The following SPTBN4 variants were observed in gnomAD, a reference collection of about 807,000 sequenced individuals.
SPTBN4 encodes the protein spectrin beta chain, non-erythrocytic 4.
A neutral mutation model predicts 277.8 loss-of-function variants in SPTBN4; 96 were observed. That is an observed-to-expected ratio of 0.35 (90% CI 0.29 to 0.41). SPTBN4 has a LOEUF of 0.41. Among genes scored for constraint, SPTBN4 ranks in the 10% least tolerant of loss-of-function variants. SPTBN4 has a pLI of 1.00. For synonymous variants in SPTBN4, 1,481 were observed against 1,580.3 expected (o/e 0.94, Z 1.49); for missense variants, 3,006 against 3,595.7 (o/e 0.84, Z 4.19).
At chr19:40,479,587 C>T (rs1328252280) in intron 2 of SPTBN4, among the ~76,000 whole-genome samples, 2 of 150,698 alleles carry the variant, frequency 1.3e-5, no homozygotes, top group African/African-American at 2.5e-5. Context: ...GAAGCCACTG[C>T]TTCTGACCCC....
At chr19:40,518,085 C>T (rs1394046133) in intron 15 of SPTBN4, among the ~76,000 whole-genome samples, 1 of 152,204 alleles carries the variant, frequency 6.6e-6, no homozygotes, top group African/African-American at 2.4e-5. Flanking sequence ...GCAAGCAGAT[C>T]ACTTGAGGTC....
At chr19:40,550,171 G>A in intron 21 of SPTBN4, 67 bp from the exon 22 acceptor site, 1 of 1,398,828 alleles carries the variant, frequency 7.1e-7, no homozygotes, top group Non-Finnish European at 1.0e-6. Flanking sequence ...CAGGTTTAAA[G>A]TTTAGTTGCG....
intron 27 of SPTBN4, among the ~76,000 whole-genome samples, chr19:40,564,107 C>A (rs2081069942): frequency 6.7e-6 from 1 of 150,216 alleles, no homozygotes; most frequent in Non-Finnish European, 1.5e-5. Context: ...GTAATCCCTG[C>A]ACTTTGGGAG....
At chr19:40,529,498 G>T (rs936122691) in intron 18 of SPTBN4, among the ~76,000 whole-genome samples, 2 of 152,186 alleles carry the variant, frequency 1.3e-5, no homozygotes, top group African/African-American at 4.8e-5. Flanking sequence ...AGGGCCGTGG[G>T]GGGGCCAGCG....
Position 40,567,647 on chromosome 19 carries a change from G to A in SPTBN4, c.6337-16G>A. 6.7e-7 allele frequency: 1 copy of A among 1,486,594 alleles called. No homozygotes were observed. The highest frequency in any genetic ancestry group is 9.0e-7 in the Non-Finnish European group (1 of 1,117,036). The allele number at this position is 1,486,594 out of a possible 1,614,324, so 92.1% of individuals were successfully genotyped here. A position where few individuals can be genotyped will look rare whatever the true frequency, so the allele number is the denominator to read the frequency against. On this transcript the variant is annotated splice_polypyrimidine_tract_variant and intron_variant, in intron 30 of 35. Transcript: ENST00000598249. ...GCCCCACGCCTCCAACCTAACCCTG[G>A]TCCCTCCATCCTCAGATCGAGAAAA...
At chr19:40,487,462 C>T (rs1053514696) in intron 2 of SPTBN4, among the ~76,000 whole-genome samples, 1 of 151,804 alleles carries the variant, frequency 6.6e-6, no homozygotes, top group African/African-American at 2.4e-5. Context: ...TCTCCTGCCT[C>T]AGCCTCTCCA....
At chr19:40,544,605 G>T (rs1378865501) in intron 20 of SPTBN4, among the ~76,000 whole-genome samples, 1 of 151,310 alleles carries the variant, frequency 6.6e-6, no homozygotes, top group Admixed American at 6.6e-5. Flanking sequence ...CTGCCATCAC[G>T]CCTGGCTAAT....
intron 17 of SPTBN4, among the ~76,000 whole-genome samples, chr19:40,526,095 C>T (rs1365331983): frequency 6.6e-6 from 1 of 151,522 alleles, no homozygotes; most frequent in East Asian, 1.9e-4. Flanking sequence ...GAATCCGTGA[C>T]ATTCAGGGCA....
In SPTBN4 at chr19:40,513,544, G is replaced by A. The variant is rs2080420083; in HGVS notation, c.2755G>A (p.Val919Met). The A allele has an allele frequency of 1.3e-6, 2 of 1,576,220 alleles. No homozygotes were observed. The highest frequency in any genetic ancestry group is 1.7e-6 in the Non-Finnish European group (2 of 1,166,220). Residue 919 changes from valine (V) to methionine (M), a missense_variant, in exon 14 of 36, where the codon GTG (valine) becomes ATG (methionine). Val to Met is a conservative substitution (Grantham distance 21, BLOSUM62 1). Coordinates refer to ENST00000598249, the MANE Select transcript of SPTBN4 (RefSeq NM_020971.3). ...GGATTCACTCGACGACGTCGAGGTG[G>A]TGCAGCACCGGTGAGCGCGCACATG... ...VPDSLDDVEVVQHRFESLDQE... is the reference protein window; with the variant it reads ...VPDSLDDVEVMQHRFESLDQE...
intron 7 of SPTBN4, among the ~76,000 whole-genome samples, chr19:40,497,808 C>G (rs540825420): frequency 1.3e-5 from 2 of 151,890 alleles, no homozygotes; most frequent in Admixed American, 1.3e-4. Flanking sequence ...TCCCACATAC[C>G]ATCCTCACAC....
In SPTBN4 at chr19:40,540,841, GAAAA is replaced by G. The variant is rs1419502827; in HGVS notation, c.4359+6499_4359+6502del. Among the ~76,000 whole-genome samples, 165 of 105,056 alleles carry G rather than the reference GAAAA, an allele frequency of 1.6e-3. No homozygotes were observed. The Middle Eastern group carries it at 0.017, about 11-fold the overall frequency. 68.9% of individuals were successfully genotyped at this position (105,056 alleles called of 152,430 possible). ...AAAAAAAAAAAAAAAAAAAAAAAAA[GAAAA>G]GTAATTTGGAGGTGGTAAATGAAAT... On this transcript the variant is annotated intron_variant, in intron 20 of 35. Transcript: ENST00000598249.
intron 20 of SPTBN4, among the ~76,000 whole-genome samples, chr19:40,544,975 C>CT (rs1430870575): frequency 6.6e-6 from 1 of 151,756 alleles, no homozygotes; most frequent in Admixed American, 6.6e-5. Flanking sequence ...CCATTTCTCT[C>CT]TTGATGGGCA....
chr19:40,572,259 C>A, intron 34 of SPTBN4, 67 bp downstream of exon 34: 5 of 1,602,830 alleles, frequency 3.1e-6, no homozygotes, highest in Non-Finnish European at 4.3e-6. Context: ...GGGACCCTGG[C>A]TTCCCTGGGG....
intron 5 of SPTBN4, among the ~76,000 whole-genome samples, chr19:40,494,303 C>T (rs11671411): frequency 0.11 from 16,438 of 150,578 alleles, 1,120 homozygotes; most frequent in South Asian, 0.25. Context: ...TTCTCTCCTC[C>T]CTCCTTCCCT....
chr19:40,557,869 G>C (rs1243830344), intron 26 of SPTBN4, among the ~76,000 whole-genome samples: 2 of 133,306 alleles, frequency 1.5e-5, no homozygotes, highest in African/African-American at 5.7e-5. Flanking sequence ...AGTGAGCCCA[G>C]ATCTCGCCAT....
chr19:40,503,685 G>A (rs1474422444), intron 11 of SPTBN4, 145 bp from the exon 12 acceptor site: 3 of 878,682 alleles, frequency 3.4e-6, no homozygotes, highest in African/African-American at 3.4e-5. Flanking sequence ...TAACAGGGGA[G>A]GATGAGGCTG....
intron 19 of SPTBN4, 123 bp from the exon 20 acceptor site, chr19:40,533,957 C>T: frequency 7.8e-7 from 1 of 1,274,708 alleles, no homozygotes; most frequent in Non-Finnish European, 1.1e-6. Context: ...GTGTCTCCCA[C>T]TCCCTGCCTC....
chr19:40,474,952 G>A (rs2079930714), intron 2 of SPTBN4, among the ~76,000 whole-genome samples: 1 of 151,982 alleles, frequency 6.6e-6, no homozygotes, highest in African/African-American at 2.4e-5. Flanking sequence ...CCAGGCTGGT[G>A]TGGAACTCCT....
rs2081195407 is a variant in SPTBN4, at chr19:40,575,656, G to A, written c.*87G>A. ...GACACTTTTTCTTCCGCAGGGGCGG[G>A]AGCCCCTAGTTCCAACACTGAGGAC... On this transcript the variant is annotated 3_prime_UTR_variant, in exon 36 of 36. Coordinates refer to ENST00000598249, the MANE Select transcript of SPTBN4 (RefSeq NM_020971.3). 1 of 1,447,706 alleles carries A rather than the reference G, an allele frequency of 6.9e-7. No individual in the cohort carries two copies. The allele number at this position is 1,447,706 out of a possible 1,614,324, so 89.7% of individuals were successfully genotyped here. A position where few individuals can be genotyped will look rare whatever the true frequency, so the allele number is the denominator to read the frequency against.
Sources: allele counts gnomAD v4.1 joint callset (sites outside exome capture counted in the v4.1 genomes callset), GRCh38; gene constraint gnomAD v4.1.1; transcripts MANE v1.5; gene names NCBI Gene and HGNC (gene_info 2026-07-23, HGNC 2026-07-21).